The following RSBN1 variants were observed in gnomAD, a reference collection of about 807,000 sequenced individuals.
RSBN1 encodes the protein round spermatid basic protein 1.
A neutral mutation model predicts 74.8 loss-of-function variants in RSBN1; 23 were observed. The ratio of observed to expected loss-of-function variants is 0.31; its 90% CI spans 0.22 to 0.44. RSBN1 has a LOEUF of 0.44. Ranked by LOEUF, RSBN1 falls within the 20% of genes least tolerant of loss-of-function variation. RSBN1 has a pLI of 1.00. For missense variants in RSBN1, 808 were observed against 1,020.9 expected (o/e 0.79, Z 2.84); for synonymous variants, 407 against 379.6 (o/e 1.07, Z -0.84).
rs192007948 is a variant in RSBN1 at position 113,812,311 on chromosome 1, G to C, written c.102C>G (p.Asp34Glu). The C allele has an allele frequency of 6.2e-7, 1 of 1,603,828 alleles. No individual in the cohort carries two copies. Among genetic ancestry groups the C allele is most frequent in the Admixed American group, 1.7e-5 (1 of 59,976 alleles). Residue 34 changes from aspartate (D) to glutamate (E), a missense_variant, in exon 1 of 7, where the codon GAC becomes GAG. Around this residue, in one of 6 missense-constraint regions of RSBN1, gnomAD observed 464 missense variants for 401.0 expected, o/e 1.16. Coordinates refer to ENST00000261441, the MANE Select transcript of RSBN1 (RefSeq NM_018364.5). ...ATTTAAATGGCCCGACCGCCCCCCC[G>C]TCCGCGCATCGCGCAAGCGCCGCCC... The part of the protein sequence containing the change: ...SARAALARCA[D>E]GGAVGPFKCV...
At chr1:113,810,179 G>C (rs1420487576) in intron 1 of RSBN1, among the ~76,000 whole-genome samples, 1 of 152,200 alleles carries the variant, frequency 6.6e-6, no homozygotes, top group African/African-American at 2.4e-5. Context: ...GATGAAGCTT[G>C]AAGCAGGATT....
At chr1:113,769,996 A>G (rs918544328) in intron 4 of RSBN1, among the ~76,000 whole-genome samples, 48 of 152,086 alleles carry the variant, frequency 3.2e-4, no homozygotes, top group African/African-American at 1.1e-3. Flanking sequence ...CAGAACCCTA[A>G]TTTTTATTAG....
At chr1:113,807,313 C>A (rs368228236) in intron 1 of RSBN1, among the ~76,000 whole-genome samples, 1,167 of 69,342 alleles carry the variant, frequency 0.017, 16 homozygotes, top group East Asian at 0.13. Flanking sequence ...GAATCCATCT[C>A]AAAAAAAAAA....
chr1:113,807,181 G>A (rs1255270723), intron 1 of RSBN1, among the ~76,000 whole-genome samples: 2 of 151,926 alleles, frequency 1.3e-5, no homozygotes, highest in Non-Finnish European at 2.9e-5. Flanking sequence ...GGGCATGGTG[G>A]CAGATGCCTG....
In RSBN1 at chr1:113,761,848, C is replaced by CT. The variant is rs1203084728; in HGVS notation, c.*4131dup. On this transcript the variant is annotated 3_prime_UTR_variant, in exon 7 of 7. Transcript: ENST00000261441. ...AAACACCAGTAAAGGACAAATCAGACTTTTTTTATTAAAAAAATACTTTAC... is the reference window on the plus strand; with the variant it reads ...AAACACCAGTAAAGGACAAATCAGACTTTTTTTTATTAAAAAAATACTTTAC... 3.3e-5 allele frequency: 5 copies of CT among 152,118 alleles called. No individual in the cohort carries two copies. Among genetic ancestry groups the CT allele is most frequent in the African/African-American group, 4.8e-5 (2 of 41,342 alleles). The allele number at this position is 152,118 out of a possible 1,614,324, so 9.4% of individuals were successfully genotyped here. A position where few individuals can be genotyped will look rare whatever the true frequency, so the allele number is the denominator to read the frequency against.
At position 113,777,696 on chromosome 1, in the gene RSBN1, A is replaced by G. The variant is rs750831765; in HGVS notation, c.1490T>C (p.Met497Thr). Residue 497 changes from methionine (M) to threonine (T), a missense_variant, in exon 3 of 7, where the codon ATG becomes ACG. Physicochemically the swap from Met to Thr is moderately conservative, Grantham distance 81. This residue lies in a region of RSBN1 where 112 missense variants were observed against 257.3 expected (regional missense o/e 0.44). Transcript: ENST00000261441. ...VGDYFPEFLD[M>T]LEESPFLKMT... is the part of the protein sequence containing the mutation. ...TTTCAGAAATGGTGATTCTTCTAAC[A>G]TATCAAGGAACTCTGGGAAATAATC... The G allele has an allele frequency of 6.2e-7, 1 of 1,610,120 alleles. No homozygotes were observed. Among genetic ancestry groups the G allele is most frequent in the South Asian group, 1.1e-5 (1 of 90,388 alleles).
chr1:113,771,686 T>G (rs1039103395), intron 4 of RSBN1, among the ~76,000 whole-genome samples: 2 of 149,972 alleles, frequency 1.3e-5, no homozygotes, highest in Non-Finnish European at 3.0e-5. Context: ...TGGAAGAAAG[T>G]AATGTACCTT....
At chr1:113,808,677 A>T (rs188851984) in intron 1 of RSBN1, among the ~76,000 whole-genome samples, 1 of 152,324 alleles carries the variant, frequency 6.6e-6, no homozygotes, top group Non-Finnish European at 1.5e-5. Context: ...GATGGATCTC[A>T]GGGACATCAC....
In RSBN1 at chr1:113,766,426, G is replaced by A; in HGVS notation, c.1963C>T (p.Leu655=). 6.2e-7 allele frequency: 1 copy of A among 1,613,312 alleles called. No individual in the cohort carries two copies. The highest frequency in any genetic ancestry group is 8.5e-7 in the Non-Finnish European group (1 of 1,179,640). Residue 655 remains leucine (L), a synonymous_variant, in exon 7 of 7, where the codon CTA becomes TTA. Transcript: ENST00000261441. ...QCVQWVDEAK[L]NQMRREGIRY... ...ATGCCTTCCCGCCTCATTTGGTTTA[G>A]TTTAGCTTCATCTACCCACTGTACG...
chr1:113,794,868 T>C (rs543309255), intron 2 of RSBN1, among the ~76,000 whole-genome samples: 83 of 152,362 alleles, frequency 5.4e-4, no homozygotes, highest in Non-Finnish European at 6.3e-4. Flanking sequence ...TCTCAGTAAG[T>C]GCTTGCTGAA....
chr1:113,766,187 G>C lies in RSBN1; in HGVS notation c.2202C>G (p.Ser734=). Residue 734 remains serine, a synonymous_variant, in exon 7 of 7, where the codon TCC becomes TCG. Coordinates refer to ENST00000261441, the MANE Select transcript of RSBN1 (RefSeq NM_018364.5). The part of the protein sequence containing the change: ...LTGKRELEVD[S]QCVRIKTESE... ...ATTCAGTTTTTATCCTCACACATTG[G>C]GAGTCAACTTCTAATTCTCGCTTTC... is the stretch of plus-strand genomic sequence containing the variant. 1 of 1,613,988 alleles carries C rather than the reference G, an allele frequency of 6.2e-7. No individual in the cohort carries two copies. Among genetic ancestry groups the C allele is most frequent in the South Asian group, 1.1e-5 (1 of 91,074 alleles).
intron 2 of RSBN1, among the ~76,000 whole-genome samples, chr1:113,783,289 T>TC (rs1660172153): frequency 6.8e-6 from 1 of 147,940 alleles, no homozygotes; most frequent in African/African-American, 2.5e-5. Flanking sequence ...AAAAAAGGGG[T>TC]GGAGGGGGAG....
intron 4 of RSBN1, among the ~76,000 whole-genome samples, chr1:113,771,047 A>T (rs1659877069): frequency 6.6e-6 from 1 of 152,154 alleles, no homozygotes; most frequent in South Asian, 2.1e-4. Flanking sequence ...AAAAAGTATA[A>T]TTAAAAAATA....
rs556772186 is a variant in RSBN1, at chr1:113,804,229, T to A, written c.704-6193A>T. The stretch of plus-strand genomic sequence containing the variant: ...ATCACAATATGTGACACACAATAAG[T>A]CTCTTATCATCTTGATTATCAAGAG... On this transcript the variant is annotated intron_variant, in intron 1 of 6. Coordinates refer to ENST00000261441, the MANE Select transcript of RSBN1 (RefSeq NM_018364.5). Among the ~76,000 whole-genome samples the A allele has an allele frequency of 9.9e-5, 15 of 152,226 alleles. No individual in the cohort carries two copies. The East Asian group carries it at 2.1e-3, about 22-fold the overall frequency.
Position 113,763,496 on chromosome 1 carries a change from C to A in RSBN1, c.*2484G>T, listed in dbSNP as rs1659723088. 1 of 152,712 alleles carries A rather than the reference C, an allele frequency of 6.5e-6. No homozygotes were observed. Among genetic ancestry groups the A allele is most frequent in the Non-Finnish European group, 1.5e-5 (1 of 68,012 alleles). The allele number at this position is 152,712 out of a possible 1,614,324, so 9.5% of individuals were successfully genotyped here. A position where few individuals can be genotyped will look rare whatever the true frequency, so the allele number is the denominator to read the frequency against. On this transcript the variant is annotated 3_prime_UTR_variant, in exon 7 of 7. Transcript: ENST00000261441. ...AATTGCAATCATTTGTATCACTAAACTAGGATACAGCTTTGAAAGCAGTAA... is the reference window on the plus strand; with the variant it reads ...AATTGCAATCATTTGTATCACTAAAATAGGATACAGCTTTGAAAGCAGTAA...
rs547102661 is a variant in RSBN1 at position 113,808,530 on chromosome 1, C to T, written c.703+3180G>A. On this transcript the variant is annotated intron_variant, in intron 1 of 6. Coordinates refer to ENST00000261441, the MANE Select transcript of RSBN1 (RefSeq NM_018364.5). The stretch of plus-strand genomic sequence containing the variant: ...TACATGCACACAAAAACCTGAACAC[C>T]AATTTTCATAGAAGCTCTATCTATA... Among the ~76,000 whole-genome samples, 11 of 152,248 alleles carry T rather than the reference C, an allele frequency of 7.2e-5. No homozygotes were observed. The South Asian group carries it at 2.1e-3, about 29-fold the overall frequency.
chr1:113,807,150 T>C (rs937612801), intron 1 of RSBN1, among the ~76,000 whole-genome samples: 12 of 151,158 alleles, frequency 7.9e-5, no homozygotes, highest in African/African-American at 2.9e-4. Context: ...CCGTCTCTAC[T>C]GAAAAACACA....
intron 5 of RSBN1, 148 bp downstream of exon 5, chr1:113,768,074 A>T (rs1557993868): frequency 3.4e-6 from 2 of 593,670 alleles, no homozygotes; most frequent in Non-Finnish European, 5.5e-6. Flanking sequence ...GCTTAACTCT[A>T]CCAAATGTAC....
In RSBN1 at chr1:113,812,299, G is replaced by A. The variant is rs997690593; in HGVS notation, c.114C>T (p.Val38=). ...CCACAAACACACATTTAAATGGCCC[G>A]ACCGCCCCCCCGTCCGCGCATCGCG... The part of the protein sequence containing the change: ...ALARCADGGA[V]GPFKCVFVGE... The change falls in exon 1 of 7, where the codon GTC becomes GTT. Residue 38 remains valine (V), a synonymous_variant. Coordinates refer to ENST00000261441, the MANE Select transcript of RSBN1 (RefSeq NM_018364.5). 3.1e-6 allele frequency: 5 copies of A among 1,604,178 alleles called. No homozygotes were observed. The African/African-American group carries it at 5.3e-5, about 17-fold the overall frequency.
Sources: allele counts gnomAD v4.1 joint callset (sites outside exome capture counted in the v4.1 genomes callset), GRCh38; gene constraint gnomAD v4.1.1; regional missense constraint gnomAD v4.1.1; transcripts MANE v1.5; gene names NCBI Gene and HGNC (gene_info 2026-07-23, HGNC 2026-07-21).